The following DAB1 variants were observed in gnomAD, a reference collection of about 807,000 sequenced individuals.
DAB1 encodes DAB adaptor protein 1, also known as disabled homolog 1.
In DAB1, 15 loss-of-function variants were observed where a neutral mutation model predicts 64.6. The observed-to-expected ratio is 0.23, with a 90% CI of 0.16 to 0.36. The LOEUF (loss-of-function observed/expected upper bound fraction) is 0.36. Ranked by LOEUF, DAB1 falls within the 10% of genes least tolerant of loss-of-function variation. The pLI, the probability that DAB1 is intolerant of heterozygous loss-of-function variation, is 1.00. For synonymous variants in DAB1, 235 were observed against 251.9 expected (o/e 0.93, Z 0.64); for missense variants, 596 against 706.7 (o/e 0.84, Z 1.78).
At chr1:57,509,247 T>C (rs1484805689) in intron 7 of DAB1, among the ~76,000 whole-genome samples, 1 of 152,094 alleles carries the variant, frequency 6.6e-6, no homozygotes, top group African/African-American at 2.4e-5. Flanking sequence ...TAACACATGC[T>C]CAATAAGTTT....
chr1:57,207,063 G>T (rs1225576538), intron 2 of DAB1, among the ~76,000 whole-genome samples: 1 of 138,220 alleles, frequency 7.2e-6, no homozygotes, highest in Non-Finnish European at 1.5e-5. Context: ...CCGCCTCCCA[G>T]GTTCAAGTGA....
intron 4 of DAB1, among the ~76,000 whole-genome samples, chr1:58,323,908 G>A (rs1662756596): frequency 2.3e-5 from 3 of 132,180 alleles, no homozygotes; most frequent in Non-Finnish European, 3.1e-5. Flanking sequence ...CTGGGCAGCA[G>A]AGCAAGACTC....
intron 3 of DAB1, 67 bp from the exon 4 acceptor site, chr1:57,136,708 G>T: frequency 9.2e-7 from 1 of 1,087,800 alleles, no homozygotes; most frequent in South Asian, 1.8e-5. Flanking sequence ...TGGTCCCAAA[G>T]GTATGTCCGA....
At chr1:57,917,208 C>G (rs750223443) in intron 5 of DAB1, among the ~76,000 whole-genome samples, 11 of 152,132 alleles carry the variant, frequency 7.2e-5, no homozygotes, top group African/African-American at 2.4e-4. Flanking sequence ...AGCATGTCCT[C>G]TAGGTCCACT....
chr1:58,116,683 C>T (rs1040134005), intron 5 of DAB1, among the ~76,000 whole-genome samples: 8 of 152,176 alleles, frequency 5.3e-5, no homozygotes, highest in Non-Finnish European at 8.8e-5. Context: ...ATTTCTTCCT[C>T]TGTAAAATAA....
chr1:58,305,005 G>A (rs1198481188), intron 4 of DAB1, among the ~76,000 whole-genome samples: 2 of 152,036 alleles, frequency 1.3e-5, no homozygotes, highest in Admixed American at 1.3e-4. Context: ...TTAGTGAGGA[G>A]GTCTTGCTAT....
intron 2 of DAB1, among the ~76,000 whole-genome samples, chr1:57,174,684 C>T (rs899642091): frequency 5.3e-5 from 8 of 152,162 alleles, no homozygotes; most frequent in African/African-American, 1.9e-4. Flanking sequence ...AGGCTCACCA[C>T]TGCTTTGGAT....
intron 7 of DAB1, among the ~76,000 whole-genome samples, chr1:57,457,896 G>A (rs1043184265): frequency 4.6e-5 from 7 of 152,066 alleles, no homozygotes; most frequent in African/African-American, 1.7e-4. Flanking sequence ...AATAATCAAA[G>A]ATATAATTGA....
intron 6 of DAB1, among the ~76,000 whole-genome samples, chr1:57,689,601 A>C (rs1031860379): frequency 1.3e-4 from 20 of 152,158 alleles, no homozygotes; most frequent in Non-Finnish European, 2.5e-4. Flanking sequence ...AGAACAAGTC[A>C]AATGCTATGA....
chr1:57,490,599 A>G (rs978109577), intron 7 of DAB1, among the ~76,000 whole-genome samples: 3 of 152,230 alleles, frequency 2.0e-5, no homozygotes, highest in Non-Finnish European at 4.4e-5. Context: ...ACGTAGTAGA[A>G]CACTTGTTCT....
chr1:58,374,540 T>C (rs1308628459), intron 3 of DAB1, among the ~76,000 whole-genome samples: 1 of 150,616 alleles, frequency 6.6e-6, no homozygotes, highest in African/African-American at 2.5e-5. Context: ...TTGATCTATA[T>C]CTCTGTTTTG....
chr1:58,051,330 A>G (rs1270826833), intron 5 of DAB1, among the ~76,000 whole-genome samples: 2 of 152,066 alleles, frequency 1.3e-5, no homozygotes, highest in East Asian at 1.9e-4. Flanking sequence ...TAGTTTGCTC[A>G]GAATGATGGT....
chr1:57,386,377 A>C (rs1037548999), intron 1 of DAB1, among the ~76,000 whole-genome samples: 1 of 151,258 alleles, frequency 6.6e-6, no homozygotes, highest in South Asian at 2.1e-4. Context: ...AAAAAAAAAA[A>C]AAAAAAAAAA....
At position 58,117,054 on chromosome 1, in the gene DAB1, T is replaced by C. The variant is rs1330856618; in HGVS notation, n.387+33457A>G. On this transcript the variant is annotated intron_variant and non_coding_transcript_variant, in intron 5 of 20. Transcript: ENST00000485760. ...GGCATACTCATTTGCTCCTCAAAAA[T>C]GCTCTGTTCATCTATTGGTGAATAT... Among the ~76,000 whole-genome samples the C allele has an allele frequency of 2.6e-5, 4 of 152,216 alleles. No individual in the cohort carries two copies. The South Asian group carries it at 8.3e-4, about 32-fold the overall frequency.
chr1:57,922,817 G>A (rs562120910), intron 5 of DAB1, among the ~76,000 whole-genome samples: 101 of 111,894 alleles, frequency 9.0e-4, no homozygotes, highest in Admixed American at 2.3e-3. Flanking sequence ...CTACACTCCA[G>A]CCTGGGTGAC....
At chr1:57,178,920 G>C (rs1415513612) in intron 2 of DAB1, among the ~76,000 whole-genome samples, 2 of 152,002 alleles carry the variant, frequency 1.3e-5, no homozygotes, top group Admixed American at 1.3e-4. Context: ...ATAAAAGATA[G>C]GTGAAAATGA....
At chr1:57,517,462 G>A (rs1009989230) in intron 7 of DAB1, among the ~76,000 whole-genome samples, 2 of 152,154 alleles carry the variant, frequency 1.3e-5, no homozygotes, top group Non-Finnish European at 2.9e-5. Context: ...TATCATAAAT[G>A]TTTGCTGAAA....
intron 5 of DAB1, among the ~76,000 whole-genome samples, chr1:57,913,666 A>C (rs958200234): frequency 1.2e-4 from 18 of 152,236 alleles, no homozygotes; most frequent in African/African-American, 4.3e-4. Flanking sequence ...CAACCTACAG[A>C]ATGGGAGAAA....
chr1:58,545,088 C>T (rs1455236138), intron 1 of DAB1, among the ~76,000 whole-genome samples: 1 of 152,138 alleles, frequency 6.6e-6, no homozygotes, highest in Non-Finnish European at 1.5e-5. Context: ...GAACCAGGCC[C>T]TCCTACTACT....
Sources: gnomAD v4.1 joint callset for allele counts (sites outside exome capture counted in the v4.1 genomes callset) on GRCh38, gnomAD v4.1.1 for gene constraint, MANE v1.5 for transcripts, NCBI Gene and HGNC (gene_info 2026-07-23, HGNC 2026-07-21) for gene names.